Variants in PDE1A observed in about 807,000 individuals in gnomAD.
PDE1A encodes the protein phosphodiesterase 1A, also known as dual specificity calcium/calmodulin-dependent 3',5'-cyclic nucleotide phosphodiesterase 1A.
A neutral mutation model predicts 61.7 loss-of-function variants in PDE1A; 35 were observed. The ratio of observed to expected loss-of-function variants is 0.57; its 90% CI spans 0.43 to 0.75. The LOEUF is 0.75. Among genes scored for constraint, PDE1A ranks in the 30% least tolerant of loss-of-function variants. The pLI is 0.00. For synonymous variants in PDE1A, 232 were observed against 213.2 expected, an observed-to-expected ratio of 1.09 and a Z score of -0.77; for missense variants, 597 against 630.6, an observed-to-expected ratio of 0.95 and a Z score of 0.57.
chr2:182,255,412 T>C (rs1331446875), intron 2 of PDE1A, among the ~76,000 whole-genome samples: 2 of 152,172 alleles, frequency 1.3e-5, no homozygotes, highest in African/African-American at 4.8e-5. Context: ...GATGTGCAGG[T>C]TGTAGTGATT....
intron 2 of PDE1A, among the ~76,000 whole-genome samples, chr2:182,240,966 G>C (rs562675126): frequency 6.6e-6 from 1 of 152,170 alleles, no homozygotes; most frequent in Non-Finnish European, 1.5e-5. Flanking sequence ...ACGGGGTGGA[G>C]CTCTCATGGG....
intron 1 of PDE1A, among the ~76,000 whole-genome samples, chr2:182,381,798 C>T (rs140712932): frequency 0.026 from 3,973 of 151,640 alleles, 147 homozygotes; most frequent in African/African-American, 0.088. Flanking sequence ...GGTGACAGAG[C>T]GAGACTCTGT....
chr2:182,573,101 G>C, the PDE1A span, among the ~76,000 whole-genome samples: 1 of 152,040 alleles, frequency 6.6e-6, no homozygotes, highest in African/African-American at 2.4e-5. Context: ...GGTGAGAAAT[G>C]GGCTCTGCCT....
At chr2:182,602,905 A>G in the PDE1A span, among the ~76,000 whole-genome samples, 2 of 152,224 alleles carry the variant, frequency 1.3e-5, no homozygotes, top group African/African-American at 2.4e-5. Context: ...ATTACATTAA[A>G]TGTAAGAATA....
At chr2:182,601,503 GT>G in the PDE1A span, among the ~76,000 whole-genome samples, 1 of 152,180 alleles carries the variant, frequency 6.6e-6, no homozygotes, top group Non-Finnish European at 1.5e-5. Context: ...TCTGTCCTGT[GT>G]CTGTTACAGA....
intron 2 of PDE1A, among the ~76,000 whole-genome samples, chr2:182,510,146 T>C (rs1210306922): frequency 3.3e-5 from 5 of 152,074 alleles, no homozygotes; most frequent in Non-Finnish European, 7.4e-5. Context: ...AAGTCCACGT[T>C]TTTAAATATT....
intron 1 of PDE1A, among the ~76,000 whole-genome samples, chr2:182,364,411 A>C (rs897019630): frequency 2.3e-5 from 3 of 130,508 alleles, no homozygotes; most frequent in African/African-American, 8.7e-5. Context: ...TATCAATTTT[A>C]GTTTAATTTA....
At chr2:182,584,056 T>G in the PDE1A span, among the ~76,000 whole-genome samples, 1 of 152,254 alleles carries the variant, frequency 6.6e-6, no homozygotes, top group Non-Finnish European at 1.5e-5. Flanking sequence ...CAATGCTACA[T>G]TCTCTTATTA....
rs543609899 is a variant in PDE1A, at chr2:182,194,482, G to A, written c.1126-5422C>T. On this transcript the variant is annotated intron_variant, in intron 10 of 13. Transcript: ENST00000351439. ...GGTGTGTTGATCTGCATGAAAACTC[G>A]AGGAGACATTAATTGTATTAATAAA... is the stretch of plus-strand genomic sequence containing the variant. Among the ~76,000 whole-genome samples the A allele has an allele frequency of 3.3e-5, 5 of 152,028 alleles. No individual in the cohort carries two copies. The East Asian group carries it at 7.7e-4, about 23-fold the overall frequency.
At chr2:182,587,371 C>G in the PDE1A span, among the ~76,000 whole-genome samples, 1 of 152,166 alleles carries the variant, frequency 6.6e-6, no homozygotes, top group Non-Finnish European at 1.5e-5. Flanking sequence ...TTCTCCAACA[C>G]AGCACTCTTT....
chr2:182,166,997 T>G (rs549177895), downstream of PDE1A, among the ~76,000 whole-genome samples: 2 of 152,264 alleles, frequency 1.3e-5, no homozygotes, highest in South Asian at 4.1e-4. Context: ...AACTGAATTA[T>G]GTAGAAAACA....
chr2:182,626,790 T>TAC, the PDE1A span, among the ~76,000 whole-genome samples: 1 of 4,776 alleles, frequency 2.1e-4, no homozygotes, highest in South Asian at 8.8e-3. Flanking sequence ...TACATATATA[T>TAC]ACATATATAT....
At chr2:182,228,688 A>G (rs969836807) in intron 6 of PDE1A, among the ~76,000 whole-genome samples, 1 of 152,182 alleles carries the variant, frequency 6.6e-6, no homozygotes, top group Non-Finnish European at 1.5e-5. Context: ...CAATACATTC[A>G]TAAACTCATG....
chr2:182,433,090 G>T (rs762048148), intron 2 of PDE1A, among the ~76,000 whole-genome samples: 5 of 152,010 alleles, frequency 3.3e-5, no homozygotes, highest in African/African-American at 4.8e-5. Context: ...GTCATGGCAG[G>T]CTCATGACAG....
At chr2:182,545,111 T>C in the PDE1A span, among the ~76,000 whole-genome samples, 12 of 152,292 alleles carry the variant, frequency 7.9e-5, no homozygotes, top group Non-Finnish European at 1.8e-4. Flanking sequence ...TTGTATTCAC[T>C]AGGAAAATTC....
the PDE1A span, among the ~76,000 whole-genome samples, chr2:182,663,492 A>T: frequency 2.4e-4 from 36 of 152,342 alleles, no homozygotes; most frequent in African/African-American, 8.7e-4. Context: ...CTATGCAGTC[A>T]TAAAAATGAA....
chr2:182,517,724 AG>A (rs1306029387), intron 2 of PDE1A, among the ~76,000 whole-genome samples: 3 of 152,224 alleles, frequency 2.0e-5, no homozygotes, highest in African/African-American at 4.8e-5. Context: ...CATTTTTAAC[AG>A]GATATCTATC....
chr2:182,491,887 A>T (rs1688417206), intron 2 of PDE1A, among the ~76,000 whole-genome samples: 2 of 152,170 alleles, frequency 1.3e-5, no homozygotes, highest in African/African-American at 4.8e-5. Context: ...AGGACCACTC[A>T]GGCTTTTTAT....
the PDE1A span, among the ~76,000 whole-genome samples, chr2:182,529,433 C>G: frequency 6.6e-6 from 1 of 152,130 alleles, no homozygotes; most frequent in African/African-American, 2.4e-5. Flanking sequence ...TAGAAAGTAA[C>G]TAGCTTGCCT....
Sources: allele counts gnomAD v4.1 joint callset (sites outside exome capture counted in the v4.1 genomes callset), GRCh38; gene constraint gnomAD v4.1.1; transcripts MANE v1.5; gene names NCBI Gene and HGNC (gene_info 2026-07-23, HGNC 2026-07-21).